Variants in OTULINL observed in about 807,000 individuals in gnomAD.
OTULINL encodes the protein inactive ubiquitin thioesterase OTULINL.
A neutral mutation model predicts 43.9 loss-of-function variants in OTULINL; 42 were observed. The ratio of observed to expected loss-of-function variants is 0.96; its 90% CI spans 0.75 to 1.24. OTULINL has a LOEUF of 1.24. Ranked by LOEUF, OTULINL falls within the 50% of genes most tolerant of loss-of-function variation. The pLI is 0.00. For missense variants in OTULINL, 411 were observed against 426.4 expected, an observed-to-expected ratio of 0.96 and a Z score of 0.32; for synonymous variants, 172 against 153.6, an observed-to-expected ratio of 1.12 and a Z score of -0.88.
intron 5 of OTULINL, among the ~76,000 whole-genome samples, chr5:14,603,349 G>A (rs192574282): frequency 1.3e-5 from 2 of 152,330 alleles, no homozygotes; most frequent in African/African-American, 4.8e-5. Flanking sequence ...AGCTAGGAGT[G>A]AGACTGCCTG....
intron 3 of OTULINL, 39 bp downstream of exon 3, chr5:14,601,283 TGCA>T (rs781388480): frequency 1.9e-4 from 301 of 1,609,854 alleles, no homozygotes; most frequent in Non-Finnish European, 2.5e-4. Context: ...ATTTTTAAGG[TGCA>T]GAGAGGGTTC....
intron 1 of OTULINL, among the ~76,000 whole-genome samples, chr5:14,584,666 T>G (rs945747320): frequency 6.6e-6 from 1 of 152,230 alleles, no homozygotes; most frequent in South Asian, 2.1e-4. Flanking sequence ...TAATATTACC[T>G]TCTACTATGA....
chr5:14,613,047 C>T lies in OTULINL; in HGVS notation c.*2733C>T, dbSNP rs1759608865. Among the ~76,000 whole-genome samples the T allele has an allele frequency of 1.3e-5, 2 of 152,088 alleles. No homozygotes were observed. Among genetic ancestry groups the T allele is most frequent in the African/African-American group, 4.8e-5 (2 of 41,418 alleles). On this transcript the variant is annotated 3_prime_UTR_variant, in exon 8 of 8. Coordinates refer to ENST00000274217, the MANE Select transcript of OTULINL (RefSeq NM_019018.3). ...AAGCGATTCTCCTGCCTCAGCCTCC[C>T]GAGTAGCCGGGATTACAGGTGCCCA...
At chr5:14,607,232 A>C (rs1161327898) in intron 5 of OTULINL, 98 bp from the exon 6 acceptor site, 1 of 1,283,206 alleles carries the variant, frequency 7.8e-7, no homozygotes, top group Non-Finnish European at 1.1e-6. Context: ...TCCATCTCGA[A>C]AAAAAAAAAG....
At chr5:14,606,623 G>A (rs920923639) in intron 5 of OTULINL, among the ~76,000 whole-genome samples, 1 of 152,180 alleles carries the variant, frequency 6.6e-6, no homozygotes, top group Non-Finnish European at 1.5e-5. Flanking sequence ...ATCCATGCCG[G>A]TTAAGTAATC....
At chr5:14,597,290 T>TG (rs938486343) in intron 1 of OTULINL, among the ~76,000 whole-genome samples, 3 of 152,180 alleles carry the variant, frequency 2.0e-5, no homozygotes, top group African/African-American at 7.2e-5. Flanking sequence ...TGTGTTGTGA[T>TG]GCAGTGATGA....
In OTULINL at chr5:14,601,198, C is replaced by T. The variant is rs1759383255; in HGVS notation, c.225-15C>T. The T allele has an allele frequency of 6.2e-7, 1 of 1,611,726 alleles. No homozygotes were observed. Among genetic ancestry groups the T allele is most frequent in the Non-Finnish European group, 8.5e-7 (1 of 1,179,248 alleles). ...AAGCAGAATTCTGATATTATTGTTC[C>T]CTTTTATCTTTCAGGTGGATTGGAT... On this transcript the variant is annotated splice_polypyrimidine_tract_variant and intron_variant, in intron 2 of 7. Transcript: ENST00000274217.
chr5:14,610,161 A>G lies in OTULINL; in HGVS notation c.918A>G (p.Gly306=). 6.2e-7 allele frequency: 1 copy of G among 1,614,008 alleles called. No individual in the cohort carries two copies. The highest frequency in any genetic ancestry group is 1.1e-5 in the South Asian group (1 of 91,078). The change falls in exon 8 of 8, where the codon GGA becomes GGG. Residue 306 remains glycine (G), a synonymous_variant. Coordinates refer to ENST00000274217, the MANE Select transcript of OTULINL (RefSeq NM_019018.3). ...CACAGATTGATATGTTTATACTTGG[A>G]TACTCCCTTGAAGTAAAGATAAAAG... is the stretch of plus-strand genomic sequence containing the variant. ...GLEQIDMFIL[G]YSLEVKIKVF... is the part of the protein sequence containing the mutation.
chr5:14,601,038 C>CTTTGTGATGTTGGCAGTTTCA lies in OTULINL; in HGVS notation c.142_162dup (p.Val48_Phe54dup), dbSNP rs758928954. The CTTTGTGATGTTGGCAGTTTCA allele has an allele frequency of 1.2e-6, 2 of 1,611,512 alleles. No homozygotes were observed. Among genetic ancestry groups the CTTTGTGATGTTGGCAGTTTCA allele is most frequent in the Middle Eastern group, 1.7e-4 (1 of 6,060 alleles). Reference sequence around the variant, plus strand: ...ACACTGTCTGGAGAATGGCAAAAGGCTTTGTGATGTTGGCAGTTTCATTTC... The same window carrying CTTTGTGATGTTGGCAGTTTCA: ...ACACTGTCTGGAGAATGGCAAAAGGCTTTGTGATGTTGGCAGTTTCATTTGTGATGTTGGCAGTTTCATTTC... On this transcript the variant is annotated inframe_insertion, in exon 2 of 8. Coordinates refer to ENST00000274217, the MANE Select transcript of OTULINL (RefSeq NM_019018.3).
chr5:14,590,855 G>A (rs145075520), intron 1 of OTULINL, among the ~76,000 whole-genome samples: 9 of 152,280 alleles, frequency 5.9e-5, no homozygotes, highest in African/African-American at 2.2e-4. Flanking sequence ...GACATCAGGG[G>A]CTAGCAGGAT....
chr5:14,589,018 A>G (rs1015064500), intron 1 of OTULINL, among the ~76,000 whole-genome samples: 1 of 152,112 alleles, frequency 6.6e-6, no homozygotes, highest in African/African-American at 2.4e-5. Flanking sequence ...TCTCATGGAG[A>G]CACATGGACG....
intron 1 of OTULINL, among the ~76,000 whole-genome samples, chr5:14,598,188 C>T (rs1260096702): frequency 1.3e-5 from 2 of 152,178 alleles, no homozygotes; most frequent in African/African-American, 2.4e-5. Flanking sequence ...GAGCATGTGT[C>T]CGTGGAGGGG....
At chr5:14,591,289 G>A (rs113790772) in intron 1 of OTULINL, among the ~76,000 whole-genome samples, 6 of 152,336 alleles carry the variant, frequency 3.9e-5, no homozygotes, top group Non-Finnish European at 8.8e-5. Context: ...GGACTGAAAG[G>A]TAGATACAGA....
chr5:14,607,963 A>G (rs1759510908), intron 6 of OTULINL, among the ~76,000 whole-genome samples: 1 of 152,232 alleles, frequency 6.6e-6, no homozygotes, highest in Non-Finnish European at 1.5e-5. Context: ...TATGTATTAA[A>G]GAGAAACATC....
chr5:14,583,457 C>G (rs1286535769), intron 1 of OTULINL, among the ~76,000 whole-genome samples: 1 of 152,066 alleles, frequency 6.6e-6, no homozygotes, highest in Non-Finnish European at 1.5e-5. Context: ...GGCAGAGAAA[C>G]AAAAATTGGA....
Position 14,607,374 on chromosome 5 carries a change from G to A in OTULINL, c.543G>A (p.Gln181=). ...LLFSQGCNWI[Q]QYSFGPEKYT... ...TTTCACAAGGTTGTAATTGGATTCA[G>A]CAGTACAGTTTTGGTCCTGAGAAGT... is the stretch of plus-strand genomic sequence containing the variant. The change falls in exon 6 of 8, where the codon CAG becomes CAA. Residue 181 remains glutamine (Q), a synonymous_variant. Coordinates refer to ENST00000274217, the MANE Select transcript of OTULINL (RefSeq NM_019018.3). The A allele has an allele frequency of 6.2e-7, 1 of 1,614,140 alleles. No homozygotes were observed.
chr5:14,589,624 C>T (rs1759164032), intron 1 of OTULINL, among the ~76,000 whole-genome samples: 1 of 152,130 alleles, frequency 6.6e-6, no homozygotes, highest in Non-Finnish European at 1.5e-5. Flanking sequence ...CCCTGGAGGC[C>T]AGGGTAATGG....
At chr5:14,591,948 A>G (rs111270931) in intron 1 of OTULINL, among the ~76,000 whole-genome samples, 2 of 152,230 alleles carry the variant, frequency 1.3e-5, no homozygotes, top group East Asian at 3.9e-4. Flanking sequence ...ATTAGATGGA[A>G]TATAAATTTC....
Position 14,584,932 on chromosome 5 carries a change from C to T in OTULINL, c.64+2974C>T, listed in dbSNP as rs546990764. Among the ~76,000 whole-genome samples the T allele has an allele frequency of 8.5e-5, 13 of 152,208 alleles. No individual in the cohort carries two copies. In the South Asian group the frequency reaches 2.7e-3, roughly 32 times the overall value. On this transcript the variant is annotated intron_variant, in intron 1 of 7. Transcript: ENST00000274217. ...ATCACTAGGCAGGCAGGTGAATTTA[C>T]CTGGTGGAACTTCTGTGATCAAAAG...
Sources: gnomAD v4.1 joint callset for allele counts (sites outside exome capture counted in the v4.1 genomes callset) on GRCh38, gnomAD v4.1.1 for gene constraint, MANE v1.5 for transcripts, NCBI Gene and HGNC (gene_info 2026-07-23, HGNC 2026-07-21) for gene names.